Variants in NRG3 observed in about 807,000 individuals in gnomAD.
The protein encoded by NRG3 is neuregulin 3, also known as pro-neuregulin-3, membrane-bound isoform.
A neutral mutation model predicts 66.9 loss-of-function variants in NRG3; 31 were observed. The ratio of observed to expected loss-of-function variants is 0.46; its 90% CI spans 0.35 to 0.63. The LOEUF (loss-of-function observed/expected upper bound fraction) is 0.63. NRG3 is among the 20% of genes least tolerant of loss of function. NRG3 has a pLI of 0.00. For missense variants in NRG3, 910 were observed against 878.9 expected, an observed-to-expected ratio of 1.04 and a Z score of -0.45; for synonymous variants, 393 against 359.4, an observed-to-expected ratio of 1.09 and a Z score of -1.06.
At chr10:82,725,500 G>A (rs2057545032) in intron 2 of NRG3, among the ~76,000 whole-genome samples, 1 of 152,122 alleles carries the variant, frequency 6.6e-6, no homozygotes, top group South Asian at 2.1e-4. Context: ...TAAAACAAGA[G>A]ATAGCTAAAT....
Position 82,953,361 on chromosome 10 carries a change from G to A in NRG3, c.1157+1790G>A, listed in dbSNP as rs143033721. ...AGGTTCTTTAATTTTAGGAGTTCTA[G>A]TTTAAATCACATGCTCTAAACCTCT... On this transcript the variant is annotated intron_variant, in intron 5 of 8. Coordinates refer to ENST00000372141, the MANE Select transcript of NRG3 (RefSeq NM_001010848.4). Among the ~76,000 whole-genome samples, 1,007 of 152,096 alleles carry A rather than the reference G, an allele frequency of 6.6e-3. 23 individuals are homozygous for A. The highest frequency in any genetic ancestry group is 0.022 in the African/African-American group (907 of 41,354).
intron 1 of NRG3, among the ~76,000 whole-genome samples, chr10:82,082,972 G>A (rs576267973): frequency 6.6e-6 from 1 of 150,464 alleles, no homozygotes; most frequent in South Asian, 2.1e-4. Flanking sequence ...ACGGGGTCTT[G>A]CTTTGTCACC....
chr10:82,398,082 ACAGT>A (rs1367738957), intron 2 of NRG3, among the ~76,000 whole-genome samples: 4 of 152,194 alleles, frequency 2.6e-5, no homozygotes, highest in African/African-American at 4.8e-5. Flanking sequence ...AATCTATGCA[ACAGT>A]CAGAGTGCCA....
chr10:82,883,216 A>G (rs1004899944), intron 4 of NRG3, among the ~76,000 whole-genome samples: 12 of 152,124 alleles, frequency 7.9e-5, no homozygotes, highest in Non-Finnish European at 1.8e-4. Flanking sequence ...TGTTATTAAA[A>G]TCAAACACTA....
At chr10:82,553,677 C>G (rs1197405559) in intron 2 of NRG3, among the ~76,000 whole-genome samples, 1 of 151,948 alleles carries the variant, frequency 6.6e-6, no homozygotes, top group Non-Finnish European at 1.5e-5. Context: ...AGCTGGTGCT[C>G]GGAATACCTC....
intron 1 of NRG3, among the ~76,000 whole-genome samples, chr10:82,278,294 G>A (rs79352309): frequency 0.021 from 3,193 of 152,096 alleles, 87 homozygotes; most frequent in African/African-American, 0.061. Context: ...GAGAAGGTGC[G>A]TGCAGATGTG....
At chr10:82,844,871 C>T (rs1439926813) in intron 3 of NRG3, among the ~76,000 whole-genome samples, 1 of 152,116 alleles carries the variant, frequency 6.6e-6, no homozygotes, top group Non-Finnish European at 1.5e-5. Context: ...AAGGGCTTCA[C>T]AGGCCAGGAG....
chr10:82,800,338 C>T (rs1461646647), intron 3 of NRG3, among the ~76,000 whole-genome samples: 1 of 152,096 alleles, frequency 6.6e-6, no homozygotes, highest in Non-Finnish European at 1.5e-5. Flanking sequence ...TTGGTTTTAA[C>T]AAATGAGCAA....
chr10:82,358,978 C>A, intron 2 of NRG3, 110 bp downstream of exon 2: 1 of 1,436,698 alleles, frequency 7.0e-7, no homozygotes, highest in Non-Finnish European at 9.6e-7. Flanking sequence ...CACAGTCCCA[C>A]CGTTTGAATA....
chr10:82,713,804 TA>T (rs1228805155), intron 2 of NRG3, among the ~76,000 whole-genome samples: 3 of 152,202 alleles, frequency 2.0e-5, no homozygotes, highest in African/African-American at 7.2e-5. Flanking sequence ...CTCCCTCAAT[TA>T]TGGAAACCTA....
intron 2 of NRG3, among the ~76,000 whole-genome samples, chr10:82,493,825 A>C (rs975043035): frequency 3.3e-5 from 5 of 152,286 alleles, no homozygotes; most frequent in African/African-American, 7.2e-5. Context: ...ACAGAGTGGG[A>C]GACCATTTCT....
intron 2 of NRG3, among the ~76,000 whole-genome samples, chr10:82,641,340 A>T (rs959992870): frequency 1.3e-5 from 2 of 152,174 alleles, no homozygotes; most frequent in African/African-American, 4.8e-5. Context: ...TTTCTTTCAC[A>T]AAGTGTCTTA....
intron 1 of NRG3, among the ~76,000 whole-genome samples, chr10:82,244,382 G>A (rs190287407): frequency 1.6e-4 from 24 of 152,310 alleles, no homozygotes; most frequent in Middle Eastern, 3.4e-3. Context: ...AAAGATGAGG[G>A]AGTGAGCAAA....
rs113203112 is a variant in NRG3, at chr10:82,617,271, C to A, written c.954-121306C>A. On this transcript the variant is annotated intron_variant, in intron 2 of 8. Transcript: ENST00000372141. ...AGACACACATACACATACACACACA[C>A]AAACACAAACACACATCACACATAT... 1.2e-3 allele frequency among the ~76,000 whole-genome samples: 174 copies of A among 149,322 alleles called. 1 individual carries two copies. The Middle Eastern group carries it at 0.014, about 12-fold the overall frequency.
At chr10:82,663,042 C>T (rs1216580226) in intron 2 of NRG3, among the ~76,000 whole-genome samples, 1 of 152,192 alleles carries the variant, frequency 6.6e-6, no homozygotes, top group Admixed American at 6.5e-5. Flanking sequence ...TAGATGTACT[C>T]ATTGCCATTA....
At chr10:82,247,239 A>G (rs2077284927) in intron 1 of NRG3, among the ~76,000 whole-genome samples, 2 of 152,286 alleles carry the variant, frequency 1.3e-5, no homozygotes, top group Admixed American at 6.5e-5. Flanking sequence ...GGCTTATAAC[A>G]AAGTGCCATA....
intron 2 of NRG3, among the ~76,000 whole-genome samples, chr10:82,572,443 C>A (rs1475503092): frequency 1.3e-5 from 2 of 151,694 alleles, no homozygotes; most frequent in Admixed American, 1.3e-4. Context: ...AACAAACACC[C>A]TTACTTGCAT....
chr10:82,401,173 G>T (rs1456363209), intron 2 of NRG3, among the ~76,000 whole-genome samples: 1 of 152,080 alleles, frequency 6.6e-6, no homozygotes, highest in East Asian at 1.9e-4. Flanking sequence ...TGTCTGGTAA[G>T]CTAAACCTAG....
At chr10:82,759,614 T>C (rs1174721277) in intron 3 of NRG3, among the ~76,000 whole-genome samples, 1 of 152,144 alleles carries the variant, frequency 6.6e-6, no homozygotes, top group African/African-American at 2.4e-5. Context: ...GAGCTCCTGG[T>C]TACCTCTTGA....
Sources: gnomAD v4.1 joint callset for allele counts (sites outside exome capture counted in the v4.1 genomes callset) on GRCh38, gnomAD v4.1.1 for gene constraint, MANE v1.5 for transcripts, NCBI Gene and HGNC (gene_info 2026-07-23, HGNC 2026-07-21) for gene names.